Variants in CTNND2 observed in about 807,000 individuals in gnomAD.
CTNND2 encodes the protein catenin delta-2.
Under a neutral mutation model 144.4 loss-of-function variants are expected in CTNND2, and 22 were observed. The ratio of observed to expected loss-of-function variants is 0.15; its 90% CI spans 0.11 to 0.22. CTNND2 has a LOEUF of 0.22. Among genes scored for constraint, CTNND2 ranks in the 10% least tolerant of loss-of-function variants. The probability of loss-of-function intolerance (pLI) is 1.00; values close to 1 mark genes in which losing one functional copy is unlikely to be tolerated. For missense variants in CTNND2, 1,353 were observed against 1,618.8 expected (o/e 0.84, Z 2.82); for synonymous variants, 751 against 695.6 (o/e 1.08, Z -1.25).
At chr5:11,179,485 G>T (rs541409800) in intron 11 of CTNND2, among the ~76,000 whole-genome samples, 1 of 152,214 alleles carries the variant, frequency 6.6e-6, no homozygotes, top group Non-Finnish European at 1.5e-5. Context: ...CTCCCAAAGT[G>T]CTGGGATTAC....
intron 2 of CTNND2, among the ~76,000 whole-genome samples, chr5:11,676,425 G>A (rs555754877): frequency 6.6e-6 from 1 of 152,076 alleles, no homozygotes. Context: ...TGGGGGCAGG[G>A]GTTAAGGAGG....
intron 14 of CTNND2, among the ~76,000 whole-genome samples, chr5:11,106,888 G>T (rs1390769286): frequency 6.6e-6 from 1 of 152,146 alleles, no homozygotes; most frequent in Non-Finnish European, 1.5e-5. Context: ...TAAAGGAAAG[G>T]ATACTCCTGT....
chr5:11,140,270 C>T (rs1756598791), intron 12 of CTNND2, among the ~76,000 whole-genome samples: 1 of 152,108 alleles, frequency 6.6e-6, no homozygotes, highest in Non-Finnish European at 1.5e-5. Flanking sequence ...TCAACCTGTC[C>T]AGGGCAAAGG....
intron 1 of CTNND2, among the ~76,000 whole-genome samples, chr5:11,797,314 C>T (rs1218831299): frequency 2.0e-5 from 3 of 152,296 alleles, no homozygotes; most frequent in South Asian, 2.1e-4. Flanking sequence ...CTGGCACTTG[C>T]CTGCGTCTCA....
intron 2 of CTNND2, among the ~76,000 whole-genome samples, chr5:11,616,887 G>A (rs1015095505): frequency 1.1e-4 from 16 of 152,102 alleles, no homozygotes; most frequent in African/African-American, 3.6e-4. Context: ...GATTACAGCC[G>A]TGAGCCACTG....
At chr5:11,338,718 G>C (rs1753958534) in intron 9 of CTNND2, among the ~76,000 whole-genome samples, 1 of 152,072 alleles carries the variant, frequency 6.6e-6, no homozygotes, top group African/African-American at 2.4e-5. Flanking sequence ...TGTTATTTTG[G>C]AATGCAATTG....
At chr5:11,417,403 G>A (rs1420661894) in intron 3 of CTNND2, among the ~76,000 whole-genome samples, 1 of 152,084 alleles carries the variant, frequency 6.6e-6, no homozygotes, top group Non-Finnish European at 1.5e-5. Flanking sequence ...GAAAATATTT[G>A]CAAGGCATAT....
At chr5:11,085,328 A>G (rs1750015141) in intron 15 of CTNND2, among the ~76,000 whole-genome samples, 1 of 152,238 alleles carries the variant, frequency 6.6e-6, no homozygotes, top group Admixed American at 6.5e-5. Context: ...GACATAGAAA[A>G]TAGCTTTCAT....
intron 2 of CTNND2, among the ~76,000 whole-genome samples, chr5:11,712,398 T>C (rs980386135): frequency 1.7e-4 from 26 of 152,268 alleles, no homozygotes; most frequent in African/African-American, 5.8e-4. Flanking sequence ...CAGACCTCTC[T>C]CTGAAGTTTC....
chr5:11,050,064 G>A (rs182208976), intron 16 of CTNND2, among the ~76,000 whole-genome samples: 1 of 152,258 alleles, frequency 6.6e-6, no homozygotes. Flanking sequence ...TTTTTAATGT[G>A]GTTTAGAGGA....
chr5:11,738,511 G>A (rs1363422066), intron 1 of CTNND2, among the ~76,000 whole-genome samples: 1 of 152,112 alleles, frequency 6.6e-6, no homozygotes, highest in Non-Finnish European at 1.5e-5. Context: ...CTGCATTTTG[G>A]AAGGCCAAAC....
At chr5:10,994,511 G>A (rs1019953861) in intron 18 of CTNND2, among the ~76,000 whole-genome samples, 2 of 151,084 alleles carry the variant, frequency 1.3e-5, no homozygotes, top group Non-Finnish European at 3.0e-5. Flanking sequence ...AGAAAAGTAG[G>A]GGTGAGGATG....
chr5:11,184,330 T>C (rs1735402946), intron 11 of CTNND2, among the ~76,000 whole-genome samples: 1 of 152,208 alleles, frequency 6.6e-6, no homozygotes. Flanking sequence ...AGAGCGCATG[T>C]TTATGTTTGC....
intron 14 of CTNND2, among the ~76,000 whole-genome samples, chr5:11,102,030 T>G: frequency 6.6e-6 from 1 of 152,110 alleles, no homozygotes; most frequent in East Asian, 1.9e-4. Context: ...AAAGCTTTTT[T>G]GCTGGGTTTC....
intron 3 of CTNND2, among the ~76,000 whole-genome samples, chr5:11,537,382 CT>C (rs961770907): frequency 6.6e-6 from 1 of 151,882 alleles, no homozygotes; most frequent in Non-Finnish European, 1.5e-5. Context: ...TGAACTTATC[CT>C]TTTTGTTATA....
intron 11 of CTNND2, among the ~76,000 whole-genome samples, chr5:11,177,206 T>A (rs1270572059): frequency 6.6e-6 from 1 of 152,210 alleles, no homozygotes; most frequent in Non-Finnish European, 1.5e-5. Context: ...GCAGGGACTA[T>A]ATAAGTTGAT....
intron 1 of CTNND2, among the ~76,000 whole-genome samples, chr5:11,878,973 G>A (rs1735771980): frequency 6.6e-6 from 1 of 152,134 alleles, no homozygotes; most frequent in Admixed American, 6.5e-5. Flanking sequence ...GGTTCTTCAA[G>A]GCCTCCTCGC....
chr5:11,337,016 C>T (rs990050864), intron 9 of CTNND2, among the ~76,000 whole-genome samples: 1 of 152,136 alleles, frequency 6.6e-6, no homozygotes, highest in African/African-American at 2.4e-5. Context: ...ACGTGGGAAC[C>T]AACTTTGGGT....
intron 14 of CTNND2, among the ~76,000 whole-genome samples, chr5:11,103,169 A>T (rs1428938362): frequency 6.6e-6 from 1 of 151,124 alleles, no homozygotes; most frequent in Non-Finnish European, 1.5e-5. Context: ...TTTAGTAGAG[A>T]CGGGGTTTCG....
Sources: allele counts gnomAD v4.1 joint callset (sites outside exome capture counted in the v4.1 genomes callset), GRCh38; gene constraint gnomAD v4.1.1; transcripts MANE v1.5; gene names NCBI Gene and HGNC (gene_info 2026-07-23, HGNC 2026-07-21).